The following PIK3C2G variants were observed in gnomAD, a reference collection of about 807,000 sequenced individuals.
PIK3C2G encodes phosphatidylinositol-4-phosphate 3-kinase catalytic subunit type 2 gamma.
A neutral mutation model predicts 181.1 loss-of-function variants in PIK3C2G; 168 were observed. The ratio of observed to expected loss-of-function variants is 0.93; its 90% CI spans 0.82 to 1.05. PIK3C2G has a LOEUF of 1.05. Ranked by LOEUF, PIK3C2G falls within the 50% of genes least tolerant of loss-of-function variation. The pLI is 0.00. For missense variants in PIK3C2G, 1,869 were observed against 1,732.8 expected (o/e 1.08, Z -1.40); for synonymous variants, 573 against 592.2 (o/e 0.97, Z 0.47).
rs78399783 is a variant in PIK3C2G at position 18,633,772 on chromosome 12, G to A, written c.4183-6657G>A. On this transcript the variant is annotated intron_variant, in intron 31 of 32. Coordinates refer to ENST00000538779, the MANE Select transcript of PIK3C2G (RefSeq NM_001288772.2). ...TTGAAGAGCTCAGAGTGGCTGAGTC[G>A]AAGTCTTAACATTCAATTCAATGCA... 6.7e-3 allele frequency among the ~76,000 whole-genome samples: 1,015 copies of A among 152,238 alleles called. 9 individuals are homozygous for A. Among genetic ancestry groups the A allele is most frequent in the African/African-American group, 0.023 (968 of 41,538 alleles).
At chr12:18,640,280 G>GA (rs1303566581) in intron 31 of PIK3C2G, 149 bp from the exon 32 acceptor site, 2 of 625,636 alleles carry the variant, frequency 3.2e-6, no homozygotes, top group Non-Finnish European at 5.3e-6. Context: ...GAGCATGGAT[G>GA]AATTTCTTTT....
intron 28 of PIK3C2G, among the ~76,000 whole-genome samples, chr12:18,566,476 A>T (rs1484411884): frequency 6.6e-6 from 1 of 152,234 alleles, no homozygotes; most frequent in Admixed American, 6.5e-5. Flanking sequence ...ACTCTTGGGG[A>T]AAGTGTTACT....
At chr12:18,293,113 A>G (rs1326366549) in intron 4 of PIK3C2G, among the ~76,000 whole-genome samples, 1 of 152,174 alleles carries the variant, frequency 6.6e-6, no homozygotes, top group Non-Finnish European at 1.5e-5. Flanking sequence ...TAATATTAAT[A>G]CTAACATTAT....
At chr12:18,646,170 A>T (rs1017571227) in intron 32 of PIK3C2G, among the ~76,000 whole-genome samples, 3 of 152,206 alleles carry the variant, frequency 2.0e-5, no homozygotes, top group Non-Finnish European at 2.9e-5. Flanking sequence ...AACTCAATAG[A>T]TGAAATGAAA....
At chr12:18,381,309 T>C (rs927794137) in intron 13 of PIK3C2G, among the ~76,000 whole-genome samples, 5 of 152,218 alleles carry the variant, frequency 3.3e-5, no homozygotes, top group Non-Finnish European at 7.3e-5. Flanking sequence ...AAATCTTTTT[T>C]TTTTTAATAA....
intron 23 of PIK3C2G, 86 bp from the exon 24 acceptor site, chr12:18,505,206 A>C (rs906484389): frequency 1.8e-5 from 21 of 1,170,492 alleles, no homozygotes; most frequent in Middle Eastern, 4.1e-4. Context: ...TTTGCTTATC[A>C]TTTACTTTTT....
At chr12:18,431,904 C>T (rs1435549447) in intron 18 of PIK3C2G, among the ~76,000 whole-genome samples, 1 of 152,138 alleles carries the variant, frequency 6.6e-6, no homozygotes, top group South Asian at 2.1e-4. Context: ...CAGCAACTTG[C>T]TTAAACCAAA....
At chr12:18,270,553 G>T (rs1404208660) in intron 1 of PIK3C2G, among the ~76,000 whole-genome samples, 1 of 152,140 alleles carries the variant, frequency 6.6e-6, no homozygotes. Flanking sequence ...AAACTTATCA[G>T]TTAAACCAGT....
At chr12:18,400,179 TC>T (rs1274571830) in intron 16 of PIK3C2G, among the ~76,000 whole-genome samples, 1 of 152,162 alleles carries the variant, frequency 6.6e-6, no homozygotes, top group African/African-American at 2.4e-5. Context: ...AAAATTAGGA[TC>T]ATTTTTGTAC....
At chr12:18,714,005 T>G in the PIK3C2G span, among the ~76,000 whole-genome samples, 1 of 152,182 alleles carries the variant, frequency 6.6e-6, no homozygotes, top group African/African-American at 2.4e-5. Flanking sequence ...GCTGATTGCA[T>G]TCAGATTTTT....
intron 18 of PIK3C2G, among the ~76,000 whole-genome samples, chr12:18,476,885 G>T (rs1427291268): frequency 6.6e-6 from 1 of 151,886 alleles, no homozygotes; most frequent in Non-Finnish European, 1.5e-5. Flanking sequence ...AAAAAAAAGA[G>T]TTCTAAGTTG....
At chr12:18,254,726 C>G (rs1013413214) in intron 1 of PIK3C2G, among the ~76,000 whole-genome samples, 37 of 151,816 alleles carry the variant, frequency 2.4e-4, no homozygotes, top group African/African-American at 8.9e-4. Flanking sequence ...GCCTGTAGTT[C>G]CAGCTACTCC....
At chr12:18,348,534 T>C (rs1407902831) in intron 11 of PIK3C2G, among the ~76,000 whole-genome samples, 1 of 152,186 alleles carries the variant, frequency 6.6e-6, no homozygotes, top group Non-Finnish European at 1.5e-5. Flanking sequence ...ATTAGGGCTT[T>C]GATGAAGGAA....
chr12:18,530,758 T>C lies in PIK3C2G; in HGVS notation c.3324-7398T>C, dbSNP rs1055546640. ...CATGAGAACTGGTTGTTTAAAAATG[T>C]GTAGCACTTCCCCCTCACCTGCTCC... On this transcript the variant is annotated intron_variant, in intron 24 of 32. Coordinates refer to ENST00000538779, the MANE Select transcript of PIK3C2G (RefSeq NM_001288772.2). Among the ~76,000 whole-genome samples the C allele has an allele frequency of 1.2e-4, 18 of 152,222 alleles. No homozygotes were observed. In the South Asian group the frequency reaches 3.3e-3, roughly 28 times the overall value.
At chr12:18,463,503 C>T (rs180739997) in intron 18 of PIK3C2G, among the ~76,000 whole-genome samples, 1 of 152,276 alleles carries the variant, frequency 6.6e-6, no homozygotes, top group East Asian at 1.9e-4. Context: ...CCCTGTTAAA[C>T]ATTTACACAA....
the PIK3C2G span, among the ~76,000 whole-genome samples, chr12:18,673,718 T>C: frequency 6.6e-6 from 1 of 152,324 alleles, no homozygotes; most frequent in African/African-American, 2.4e-5. Context: ...ACAAAGGGTC[T>C]GCAGTCTCAT....
intron 29 of PIK3C2G, among the ~76,000 whole-genome samples, chr12:18,577,168 A>G (rs1946272234): frequency 6.6e-6 from 1 of 152,352 alleles, no homozygotes; most frequent in African/African-American, 2.4e-5. Flanking sequence ...AGATAGAAGT[A>G]TTAGCAGAGG....
At chr12:18,671,082 CAGG>C in the PIK3C2G span, among the ~76,000 whole-genome samples, 14 of 150,980 alleles carry the variant, frequency 9.3e-5, no homozygotes, top group African/African-American at 3.2e-4. Flanking sequence ...GAGGCTGAGG[CAGG>C]AGAATTACTT....
chr12:18,582,968 G>T (rs1946580153), intron 29 of PIK3C2G, among the ~76,000 whole-genome samples: 1 of 152,002 alleles, frequency 6.6e-6, no homozygotes, highest in African/African-American at 2.4e-5. Context: ...TGCCATCTTT[G>T]CTCTTTCACA....
Sources: gnomAD v4.1 joint callset for allele counts (sites outside exome capture counted in the v4.1 genomes callset) on GRCh38, gnomAD v4.1.1 for gene constraint, MANE v1.5 for transcripts, NCBI Gene and HGNC (gene_info 2026-07-23, HGNC 2026-07-21) for gene names.